The following DHRSX variants were observed in gnomAD, a reference collection of about 807,000 sequenced individuals.
DHRSX encodes the protein dehydrogenase/reductase X-linked, also known as polyprenol dehydrogenase.
Under a neutral mutation model 34.0 loss-of-function variants are expected in DHRSX, and 31 were observed. The observed-to-expected ratio is 0.91, with a 90% CI of 0.69 to 1.23. The LOEUF (loss-of-function observed/expected upper bound fraction) is 1.23. Ranked by LOEUF, DHRSX falls within the 50% of genes most tolerant of loss-of-function variation. The pLI is 0.00. For synonymous variants in DHRSX, 201 were observed against 183.8 expected, an observed-to-expected ratio of 1.09 and a Z score of -0.76; for missense variants, 414 against 428.1, an observed-to-expected ratio of 0.97 and a Z score of 0.29.
At chrX:2,313,000 A>AT (rs1267986050) in intron 3 of DHRSX, among the ~76,000 whole-genome samples, 3 of 101,772 alleles carry the variant, frequency 2.9e-5, no homozygotes, top group African/African-American at 1.7e-4. Flanking sequence ...CAGCTTCAAG[A>AT]TATATATTTT....
chrX:2,374,642 G>A lies in DHRSX; in HGVS notation c.286+34103C>T, dbSNP rs2043119393. ...TAATCCCAGCTACTTGGGAGGCTAAGGCAGGAGAATTGCTGGAACCCGGGA... is the reference window on the plus strand; with the variant it reads ...TAATCCCAGCTACTTGGGAGGCTAAAGCAGGAGAATTGCTGGAACCCGGGA... On this transcript the variant is annotated intron_variant, in intron 3 of 6. Coordinates refer to ENST00000334651, the MANE Select transcript of DHRSX (RefSeq NM_145177.3). 2.2e-5 allele frequency among the ~76,000 whole-genome samples: 3 copies of A among 137,844 alleles called. 1 individual carries two copies. The South Asian group carries it at 6.9e-4, about 32-fold the overall frequency. 90.4% of individuals were successfully genotyped at this position (137,844 alleles called of 152,430 possible). A position where few individuals can be genotyped will look rare whatever the true frequency, so the allele number is the denominator to read the frequency against.
Position 2,273,142 on chromosome X carries a change from G to A in DHRSX, c.389-6195C>T, listed in dbSNP as rs767772952. ...CAGGAGGTGGAGGTTGCAGTGAGCC[G>A]AGATCGCACCACTGCACTCCAGCCT... On this transcript the variant is annotated intron_variant, in intron 4 of 6. Transcript: ENST00000334651. Among the ~76,000 whole-genome samples, 175 of 152,162 alleles carry A rather than the reference G, an allele frequency of 1.2e-3. 2 individuals are homozygous for A. The highest frequency in any genetic ancestry group is 3.4e-3 in the Middle Eastern group (1 of 294).
At chrX:2,493,546 A>T (rs2045211481) in intron 1 of DHRSX, among the ~76,000 whole-genome samples, 1 of 151,682 alleles carries the variant, frequency 6.6e-6, no homozygotes, top group Non-Finnish European at 1.5e-5. Flanking sequence ...TATTATTATT[A>T]TTTTTATTAT....
At chrX:2,403,756 T>C (rs780129260) in intron 3 of DHRSX, among the ~76,000 whole-genome samples, 1 of 150,828 alleles carries the variant, frequency 6.6e-6, no homozygotes, top group African/African-American at 2.4e-5. Context: ...CTCGGGAGGC[T>C]GAGGCAGGAG....
At chrX:2,409,812 C>A (rs1569498146) in intron 2 of DHRSX, among the ~76,000 whole-genome samples, 3 of 152,162 alleles carry the variant, frequency 2.0e-5, no homozygotes, top group South Asian at 4.1e-4. Flanking sequence ...TCACTGCAAC[C>A]TCCACCTCTC....
chrX:2,285,631 G>T (rs933018013), intron 4 of DHRSX, among the ~76,000 whole-genome samples: 1 of 152,052 alleles, frequency 6.6e-6, no homozygotes, highest in Non-Finnish European at 1.5e-5. Context: ...TATGACCTGG[G>T]GGTTGGACAG....
intron 1 of DHRSX, among the ~76,000 whole-genome samples, chrX:2,499,208 C>T (rs1430533553): frequency 1.3e-5 from 2 of 152,074 alleles, no homozygotes; most frequent in African/African-American, 4.8e-5. Flanking sequence ...GACTCCCAGT[C>T]TCCCAGAGGC....
chrX:2,299,657 C>G (rs1159841447), intron 3 of DHRSX, among the ~76,000 whole-genome samples: 3 of 152,008 alleles, frequency 2.0e-5, no homozygotes, highest in Admixed American at 2.0e-4. Context: ...GAGTTCGAGA[C>G]CAGCCTGGCC....
At chrX:2,492,129 C>T (rs1199370454) in intron 1 of DHRSX, among the ~76,000 whole-genome samples, 1 of 152,186 alleles carries the variant, frequency 6.6e-6, no homozygotes, top group African/African-American at 2.4e-5. Flanking sequence ...AAGCGTCCTC[C>T]CCTACCAAAG....
intron 1 of DHRSX, among the ~76,000 whole-genome samples, chrX:2,485,539 G>A (rs1409937965): frequency 2.2e-5 from 3 of 137,724 alleles, no homozygotes; most frequent in South Asian, 5.5e-4. Flanking sequence ...GGGAGGGAGG[G>A]AGAAAAGGGA....
chrX:2,490,736 C>A, intron 1 of DHRSX: 1 of 1,605,232 alleles, frequency 6.2e-7, no homozygotes. Context: ...TCCACCGGAG[C>A]CTGCCTGCTG....
At chrX:2,434,269 A>G (rs773079474) in intron 1 of DHRSX, among the ~76,000 whole-genome samples, 1 of 152,378 alleles carries the variant, frequency 6.6e-6, no homozygotes, top group African/African-American at 2.4e-5. Flanking sequence ...TAGGGTTGTT[A>G]TCCAGAATGC....
intron 1 of DHRSX, among the ~76,000 whole-genome samples, chrX:2,466,298 C>T (rs1180999070): frequency 6.6e-6 from 1 of 152,016 alleles, no homozygotes; most frequent in Non-Finnish European, 1.5e-5. Flanking sequence ...ATTAGCCCAG[C>T]GTGGTGGTAT....
intron 3 of DHRSX, among the ~76,000 whole-genome samples, chrX:2,379,602 T>G (rs866802055): frequency 0.021 from 3,017 of 146,898 alleles, 95 homozygotes; most frequent in African/African-American, 0.072. Flanking sequence ...GAGGTTTTTT[T>G]TTTTTTTTTT....
intron 4 of DHRSX, among the ~76,000 whole-genome samples, chrX:2,274,029 C>T (rs1198692129): frequency 6.6e-6 from 1 of 152,036 alleles, no homozygotes; most frequent in East Asian, 1.9e-4. Context: ...ACGTTTATTC[C>T]TATTTTATTA....
intron 3 of DHRSX, among the ~76,000 whole-genome samples, chrX:2,399,090 G>C (rs184324435): frequency 6.6e-6 from 1 of 151,208 alleles, no homozygotes; most frequent in Non-Finnish European, 1.5e-5. Context: ...TCCTGATCTC[G>C]TGATCTGCCC....
intron 1 of DHRSX, among the ~76,000 whole-genome samples, chrX:2,495,236 G>A (rs2045251676): frequency 6.6e-6 from 1 of 151,170 alleles, no homozygotes; most frequent in Admixed American, 6.6e-5. Flanking sequence ...TTGGCTGAAA[G>A]ACGTTCCAGG....
chrX:2,235,696 T>C (rs1448942471), intron 6 of DHRSX, among the ~76,000 whole-genome samples: 1 of 120,594 alleles, frequency 8.3e-6, no homozygotes, highest in Non-Finnish European at 1.6e-5. Context: ...TGAGCCAAAA[T>C]CATGCCACTA....
At chrX:2,494,485 C>T (rs1165710578) in intron 1 of DHRSX, among the ~76,000 whole-genome samples, 2 of 151,584 alleles carry the variant, frequency 1.3e-5, no homozygotes, top group African/African-American at 4.9e-5. Context: ...AGAAAGGTGC[C>T]AGGACCTGTA....
Sources: gnomAD v4.1 joint callset for allele counts (sites outside exome capture counted in the v4.1 genomes callset) on GRCh38, gnomAD v4.1.1 for gene constraint, MANE v1.5 for transcripts, NCBI Gene and HGNC (gene_info 2026-07-23, HGNC 2026-07-21) for gene names.